Variants in OR4N2 observed in about 807,000 individuals in gnomAD.
The protein encoded by OR4N2 is olfactory receptor 4N2.
For missense variants in OR4N2, 307 were observed against 377.6 expected (o/e 0.81, Z 1.55); for synonymous variants, 141 against 140.4 (o/e 1.00, Z -0.03).
intron 1 of OR4N2, among the ~76,000 whole-genome samples, chr14:19,815,121 G>A (rs1167045995): frequency 1.1e-4 from 16 of 152,338 alleles, no homozygotes; most frequent in African/African-American, 1.9e-4. Context: ...GAACAGTGCC[G>A]CAGTAAACAT....
At chr14:19,808,835 T>TA (rs201009345) in intron 1 of OR4N2, among the ~76,000 whole-genome samples, 53 of 127,196 alleles carry the variant, frequency 4.2e-4, no homozygotes, top group African/African-American at 1.3e-3. Context: ...AAAAAAAAAG[T>TA]AAAAAAAATG....
intron 1 of OR4N2, among the ~76,000 whole-genome samples, chr14:19,810,784 C>T (rs1335033074): frequency 1.3e-5 from 2 of 152,230 alleles, no homozygotes; most frequent in East Asian, 3.9e-4. Flanking sequence ...AATTGATAAA[C>T]CCATAGTAGA....
In OR4N2 at chr14:19,804,730, G is replaced by A. The variant is rs186698674; in HGVS notation, c.-10+886G>A. On this transcript the variant is annotated intron_variant, in intron 1 of 1. Transcript: ENST00000557677. ...TGTTAGGACCATTTTGTCAAATGTC[G>A]AGCTCAGTCCCGAATCTCTTTGTTC... Among the ~76,000 whole-genome samples the A allele has an allele frequency of 4.6e-5, 7 of 152,294 alleles. No homozygotes were observed. In the East Asian group the frequency reaches 1.3e-3, roughly 29 times the overall value.
chr14:19,810,017 A>AAGTAAAACAAATGAGACTAAGT (rs2138463261), intron 1 of OR4N2, among the ~76,000 whole-genome samples: 1 of 152,390 alleles, frequency 6.6e-6, no homozygotes, highest in East Asian at 1.9e-4. Context: ...TAAGTAAACT[A>AAGTAAAACAAATGAGACTAAGT]AAGAGCTTCT....
intron 1 of OR4N2, among the ~76,000 whole-genome samples, chr14:19,822,797 T>G (rs773505740): frequency 4.6e-5 from 7 of 152,266 alleles, no homozygotes; most frequent in Admixed American, 2.6e-4. Context: ...TTGATCCTCA[T>G]GTTACCCCCA....
chr14:19,822,976 T>TA lies in OR4N2; in HGVS notation c.-9-4458dup, dbSNP rs369356866. ...GATCCTTTTATGTTATTACATTGCC[T>TA]AAAAAACTGGCATTCAAATGGAATT... On this transcript the variant is annotated intron_variant, in intron 1 of 1. Transcript: ENST00000557677. Among the ~76,000 whole-genome samples the TA allele has an allele frequency of 1.7e-3, 266 of 152,316 alleles. 1 individual carries two copies. Among genetic ancestry groups the TA allele is most frequent in the Middle Eastern group, 6.8e-3 (2 of 294 alleles).
intron 1 of OR4N2, chr14:19,822,079 G>A (rs573725157): frequency 6.6e-6 from 1 of 152,382 alleles, no homozygotes; most frequent in Non-Finnish European, 1.5e-5. Context: ...TGATATCTTA[G>A]ATTGCAGTTG....
intron 1 of OR4N2, among the ~76,000 whole-genome samples, chr14:19,808,823 GAA>G: frequency 6.7e-6 from 1 of 149,472 alleles, no homozygotes; most frequent in East Asian, 2.0e-4. Context: ...CAGAAATATT[GAA>G]AAAAAAAAGT....
rs1283107859 is a variant in OR4N2 at position 19,830,229 on chromosome 14, C to T, written c.*1857C>T. 1 of 152,330 alleles carries T rather than the reference C, an allele frequency of 6.6e-6. No individual in the cohort carries two copies. The highest frequency in any genetic ancestry group is 1.5e-5 in the Non-Finnish European group (1 of 68,124). 9.4% of individuals were successfully genotyped at this position (152,330 alleles called of 1,614,324 possible). A position where few individuals can be genotyped will look rare whatever the true frequency, so the allele number is the denominator to read the frequency against. On this transcript the variant is annotated 3_prime_UTR_variant, in exon 2 of 2. Coordinates refer to ENST00000557677, the MANE Select transcript of OR4N2 (RefSeq NM_001004723.3). ...AATAAAACCTTCTTGCCACCTTTTC[C>T]CCTGTCCATGTCACTTCATGAGTCT...
At chr14:19,807,919 G>T (rs1471888855) in intron 1 of OR4N2, among the ~76,000 whole-genome samples, 2 of 152,154 alleles carry the variant, frequency 1.3e-5, no homozygotes, top group East Asian at 1.9e-4. Context: ...GAGATGTAAG[G>T]CTTATTCAAT....
At position 19,827,464 on chromosome 14, in the gene OR4N2, A is replaced by G; in HGVS notation, c.16A>G (p.Arg6Gly). The change falls in exon 2 of 2, where the codon AGA becomes GGA. Residue 6 changes from arginine to glycine, a missense_variant. Arg to Gly is a moderately radical substitution (Grantham distance 125). Transcript: ENST00000557677. The stretch of plus-strand genomic sequence containing the variant: ...GGCCAGGGAAATGGAAAGCGAGAAC[A>G]GAACAGTGATAAGAGAATTCATCCT... Reference protein sequence around the residue: MESENRTVIREFILLG... With the variant: MESENGTVIREFILLG... 1 of 1,595,198 alleles carries G rather than the reference A, an allele frequency of 6.3e-7. No individual in the cohort carries two copies. The highest frequency in any genetic ancestry group is 8.5e-7 in the Non-Finnish European group (1 of 1,171,382).
intron 1 of OR4N2, among the ~76,000 whole-genome samples, chr14:19,815,655 G>GTTTTT (rs59019427): frequency 6.5e-5 from 9 of 138,516 alleles, no homozygotes; most frequent in African/African-American, 8.2e-5. Flanking sequence ...GTTTTTTTTT[G>GTTTTT]TTTTTTTTTT....
At chr14:19,821,657 T>G (rs1261150840) in intron 1 of OR4N2, among the ~76,000 whole-genome samples, 1 of 152,260 alleles carries the variant, frequency 6.6e-6, no homozygotes, top group African/African-American at 2.4e-5. Flanking sequence ...ACGATAGAAT[T>G]TTTGTTTTAG....
At chr14:19,821,092 T>C (rs1200991999) in intron 1 of OR4N2, among the ~76,000 whole-genome samples, 1 of 152,258 alleles carries the variant, frequency 6.6e-6, no homozygotes, top group East Asian at 1.9e-4. Context: ...GGTCTGCAGG[T>C]TGCAAAAACC....
intron 1 of OR4N2, among the ~76,000 whole-genome samples, chr14:19,807,175 AG>A (rs1439076500): frequency 6.6e-6 from 1 of 151,120 alleles, no homozygotes; most frequent in Non-Finnish European, 1.5e-5. Flanking sequence ...TTGCACCTAA[AG>A]GAACTAGAAA....
chr14:19,811,042 G>A (rs1402564498), intron 1 of OR4N2, among the ~76,000 whole-genome samples: 4 of 152,206 alleles, frequency 2.6e-5, no homozygotes, highest in Non-Finnish European at 5.9e-5. Flanking sequence ...GGCTCAACCA[G>A]GGAGTTTTCT....
chr14:19,812,300 TTC>T, intron 1 of OR4N2, among the ~76,000 whole-genome samples: 1 of 141,302 alleles, frequency 7.1e-6, no homozygotes, highest in Non-Finnish European at 1.5e-5. Flanking sequence ...TTTTTGACTT[TTC>T]TTTTTTTTTT....
chr14:19,818,526 A>G (rs1402462879), intron 1 of OR4N2, among the ~76,000 whole-genome samples: 1 of 152,038 alleles, frequency 6.6e-6, no homozygotes, highest in Non-Finnish European at 1.5e-5. Context: ...TTGGCTTTCA[A>G]TATGCTTGGT....
chr14:19,804,700 A>G (rs1424278386), intron 1 of OR4N2, among the ~76,000 whole-genome samples: 1 of 152,226 alleles, frequency 6.6e-6, no homozygotes, highest in Non-Finnish European at 1.5e-5. Flanking sequence ...AGTACTGTAG[A>G]TGTCTGTTAG....
Sources: gnomAD v4.1 joint callset for allele counts (sites outside exome capture counted in the v4.1 genomes callset) on GRCh38, gnomAD v4.1.1 for gene constraint, MANE v1.5 for transcripts, NCBI Gene and HGNC (gene_info 2026-07-23, HGNC 2026-07-21) for gene names.